Variants in INPP5D observed in about 807,000 individuals in gnomAD.
INPP5D encodes the protein inositol polyphosphate-5-phosphatase D.
In INPP5D, 33 loss-of-function variants were observed where a neutral mutation model predicts 122.9. The ratio of observed to expected loss-of-function variants is 0.27; its 90% confidence interval spans 0.20 to 0.36. INPP5D has a LOEUF of 0.36. Among genes scored for constraint, INPP5D ranks in the 10% least tolerant of loss-of-function variants. The pLI is 1.00. For missense variants in INPP5D, 1,053 were observed against 1,412.7 expected (o/e 0.75, Z 4.08); for synonymous variants, 584 against 576.2 (o/e 1.01, Z -0.19).
chr2:233,091,384 G>C (rs1260122594), intron 2 of INPP5D, among the ~76,000 whole-genome samples: 1 of 152,204 alleles, frequency 6.6e-6, no homozygotes, highest in Non-Finnish European at 1.5e-5. Flanking sequence ...AGTTGTGCAG[G>C]CCAGAAGTCC....
chr2:233,113,436 G>C (rs542237624), intron 2 of INPP5D, among the ~76,000 whole-genome samples: 204 of 133,842 alleles, frequency 1.5e-3, no homozygotes, highest in African/African-American at 7.6e-3. Flanking sequence ...TTTTGTTTTT[G>C]TTTTGTTTGT....
rs56018008 is a variant in INPP5D at position 233,135,192 on chromosome 2, C to CTTT, written c.665+4556_665+4558dup. 3.4e-5 allele frequency among the ~76,000 whole-genome samples: 5 copies of CTTT among 146,952 alleles called. No homozygotes were observed. The South Asian group carries it at 1.1e-3, about 32-fold the overall frequency. ...CAATCAAACAGCAACACTGAAACAT[C>CTTT]TTTTTTTTTTTTTTCTTATAAAGAG... On this transcript the variant is annotated intron_variant, in intron 5 of 26. Coordinates refer to ENST00000445964, the MANE Select transcript of INPP5D (RefSeq NM_001017915.3).
Position 233,128,867 on chromosome 2 carries a change from C to G in INPP5D, c.525-1641C>G, listed in dbSNP as rs72986205. On this transcript the variant is annotated intron_variant, in intron 4 of 26. Transcript: ENST00000445964. This position sits in a 1 kb window ranked among gnomAD's most constrained non-coding sequence, Gnocchi z 4.5. ...GTGGCCTTTAGTTTCAATTTGATTA[C>G]ATATCAAGCCTGGAATAAAAATCTT... 6.8e-3 allele frequency among the ~76,000 whole-genome samples: 1,037 copies of G among 152,266 alleles called. 15 individuals are homozygous for G. Among genetic ancestry groups the G allele is most frequent in the African/African-American group, 0.023 (969 of 41,546 alleles).
chr2:233,068,105 G>A (rs1372002400), intron 1 of INPP5D, among the ~76,000 whole-genome samples: 1 of 152,038 alleles, frequency 6.6e-6, no homozygotes, highest in African/African-American at 2.4e-5. Context: ...GACCAACATG[G>A]AGAAACCCCA....
At chr2:233,125,511 A>C (rs985979863) in intron 3 of INPP5D, among the ~76,000 whole-genome samples, 2 of 152,234 alleles carry the variant, frequency 1.3e-5, no homozygotes, top group Admixed American at 6.5e-5. Context: ...TCCATGGAGC[A>C]AGGCCTTTTG....
intron 1 of INPP5D, chr2:233,076,448 T>C (rs1255002313): frequency 2.0e-5 from 3 of 152,134 alleles, no homozygotes; most frequent in African/African-American, 7.2e-5. Flanking sequence ...GGATGGGGAC[T>C]AAAGCCATGG....
chr2:233,137,478 GT>G (rs756054877), intron 5 of INPP5D, among the ~76,000 whole-genome samples: 1 of 62,248 alleles, frequency 1.6e-5, no homozygotes, highest in Non-Finnish European at 5.0e-5. Flanking sequence ...TTATGAGATG[GT>G]GGCGTCTCCC....
intron 13 of INPP5D, among the ~76,000 whole-genome samples, chr2:233,166,548 C>T (rs1262028001): frequency 1.8e-4 from 27 of 152,262 alleles, no homozygotes. Context: ...AGCTTTATGA[C>T]CATTGCAGGG....
intron 22 of INPP5D, among the ~76,000 whole-genome samples, chr2:233,191,323 GA>G (rs1695050856): frequency 6.6e-6 from 1 of 152,140 alleles, no homozygotes. Flanking sequence ...AAGGATGGGG[GA>G]AACCACCCCC....
chr2:233,143,389 C>T (rs1242306758), intron 6 of INPP5D, among the ~76,000 whole-genome samples: 3 of 152,144 alleles, frequency 2.0e-5, no homozygotes, highest in Non-Finnish European at 4.4e-5. Flanking sequence ...GGTGACTGCC[C>T]GGGGTGAAGG....
rs1056372316 is a variant in INPP5D at position 233,182,625 on chromosome 2, T to C, written c.2161+126T>C. 25 of 1,411,276 alleles carry C rather than the reference T, an allele frequency of 1.8e-5. No individual in the cohort carries two copies. In the Admixed American group the frequency reaches 4.0e-4, roughly 23 times the overall value. The allele number at this position is 1,411,276 out of a possible 1,614,324, so 87.4% of individuals were successfully genotyped here. ...CTCATTTTCCCAGGCAAGTCCACAA[T>C]ATCAGTCAGTTTCTTCATGTCCCAG... On this transcript the variant is annotated intron_variant, in intron 19 of 26. Coordinates refer to ENST00000445964, the MANE Select transcript of INPP5D (RefSeq NM_001017915.3).
At chr2:233,136,946 C>A (rs1357756688) in intron 5 of INPP5D, among the ~76,000 whole-genome samples, 2 of 152,148 alleles carry the variant, frequency 1.3e-5, no homozygotes, top group African/African-American at 2.4e-5. Flanking sequence ...AAATGGAACA[C>A]ATAGTTTACG....
At chr2:233,136,590 C>T (rs1693472091) in intron 5 of INPP5D, among the ~76,000 whole-genome samples, 1 of 152,092 alleles carries the variant, frequency 6.6e-6, no homozygotes, top group African/African-American at 2.4e-5. Context: ...TTCCAGGACC[C>T]AGCAAAGTAC....
intron 25 of INPP5D, among the ~76,000 whole-genome samples, chr2:233,201,013 T>TAAATAAATA (rs1695316793): frequency 6.6e-6 from 1 of 150,778 alleles, no homozygotes. Flanking sequence ...AATAAATAGA[T>TAAATAAATA]GAGAGGAAGT....
In INPP5D at chr2:233,185,854, A is replaced by G. The variant is rs543473902; in HGVS notation, c.2287A>G (p.Ser763Gly). The G allele has an allele frequency of 1.9e-6, 3 of 1,605,180 alleles. No homozygotes were observed. The highest frequency in any genetic ancestry group is 2.2e-5 in the East Asian group (1 of 44,520). Residue 763 changes from serine (S) to glycine (G), a missense_variant, in exon 21 of 27, where the codon AGT (serine) becomes GGT (glycine). By Grantham distance (56) the Ser-to-Gly change is moderately conservative. Coordinates refer to ENST00000445964, the MANE Select transcript of INPP5D (RefSeq NM_001017915.3). ...TTGTCCTCCAACAGGTTTTGTCAAG[A>G]GTCAGGAAGGAGAAAATGAAGAAGG... ...HSSCLESFVK[S>G]QEGENEEGSE...
In INPP5D at chr2:233,100,160, T is replaced by C. The variant is rs1692270100; in HGVS notation, c.198+20762T>C. ...TCAGAGTGGAAGCATTCCCTTTCAA[T>C]GGGGCAGTTCTCTTTGATGTGTCAC... On this transcript the variant is annotated intron_variant, in intron 2 of 26. Transcript: ENST00000445964. The surrounding 1 kb of genome is among the most constrained non-coding windows in gnomAD (Gnocchi z 5.3). Among the ~76,000 whole-genome samples, 1 of 152,310 alleles carries C rather than the reference T, an allele frequency of 6.6e-6. No homozygotes were observed. The highest frequency in any genetic ancestry group is 2.1e-4 in the South Asian group (1 of 4,822).
intron 1 of INPP5D, among the ~76,000 whole-genome samples, chr2:233,065,995 T>C (rs1244001089): frequency 2.0e-5 from 3 of 151,610 alleles, no homozygotes; most frequent in African/African-American, 7.3e-5. Context: ...ACACGGTCTT[T>C]CGCTGTTGCC....
rs903472206 is a variant in INPP5D at position 233,170,355 on chromosome 2, G to A, written c.1792-141G>A. 98 of 1,490,050 alleles carry A rather than the reference G, an allele frequency of 6.6e-5. No homozygotes were observed. Among genetic ancestry groups the A allele is most frequent in the East Asian group, 3.7e-4 (15 of 40,562 alleles). The allele number at this position is 1,490,050 out of a possible 1,614,324, so 92.3% of individuals were successfully genotyped here. ...TCACGGTTCCCCTGTGCTCACACCC[G>A]GTTCCCATAACTGTCACAGCCACCC... On this transcript the variant is annotated intron_variant, in intron 15 of 26. Transcript: ENST00000445964. The surrounding 1 kb of genome is among the most constrained non-coding windows in gnomAD (Gnocchi z 4.5).
intron 2 of INPP5D, among the ~76,000 whole-genome samples, chr2:233,110,352 G>GC: frequency 6.6e-6 from 1 of 151,742 alleles, no homozygotes; most frequent in Non-Finnish European, 1.5e-5. Context: ...ACTGTGCCTG[G>GC]CCTAATTTTT....
Sources: allele counts gnomAD v4.1 joint callset (sites outside exome capture counted in the v4.1 genomes callset), GRCh38; gene constraint gnomAD v4.1.1; non-coding constraint Gnocchi (gnomAD v3.1); transcripts MANE v1.5; gene names NCBI Gene and HGNC (gene_info 2026-07-23, HGNC 2026-07-21).